RIPOR2: variants seen among roughly 807,000 people sequenced by gnomAD.
RIPOR2 encodes the protein rho family-interacting cell polarization regulator 2.
RIPOR2 carries 39 observed loss-of-function variants against 114.5 expected under a neutral mutation model. That is an observed-to-expected ratio of 0.34 (90% CI 0.26 to 0.44). RIPOR2 has a LOEUF of 0.44. RIPOR2 is among the 20% of genes least tolerant of loss of function. The probability of loss-of-function intolerance (pLI) is 1.00; values close to 1 mark genes in which losing one functional copy is unlikely to be tolerated. For missense variants in RIPOR2, 1,007 were observed against 1,255.1 expected, an observed-to-expected ratio of 0.80 and a Z score of 2.99; for synonymous variants, 445 against 484.4, an observed-to-expected ratio of 0.92 and a Z score of 1.07.
At chr6:24,960,467 G>A (rs1773252502) in intron 1 of RIPOR2, among the ~76,000 whole-genome samples, 1 of 152,100 alleles carries the variant, frequency 6.6e-6, no homozygotes, top group African/African-American at 2.4e-5. Flanking sequence ...CTACCTAAAG[G>A]CCCCACTTCC....
intron 8 of RIPOR2, among the ~76,000 whole-genome samples, chr6:24,857,139 A>C (rs1763550396): frequency 6.6e-6 from 1 of 152,200 alleles, no homozygotes; most frequent in Admixed American, 6.5e-5. Flanking sequence ...TGTGTAAGCC[A>C]CTGGTGGTAC....
chr6:24,856,969 A>G (rs1449920641), intron 8 of RIPOR2, among the ~76,000 whole-genome samples: 1 of 152,064 alleles, frequency 6.6e-6, no homozygotes, highest in African/African-American at 2.4e-5. Context: ...GGTACTTGGT[A>G]GTGATGTTTT....
intron 17 of RIPOR2, among the ~76,000 whole-genome samples, chr6:24,828,629 T>C (rs9393590): frequency 0.24 from 36,793 of 151,924 alleles, 4,854 homozygotes; most frequent in African/African-American, 0.36. Flanking sequence ...GAAGACGGCC[T>C]GCATTCCATA....
intron 1 of RIPOR2, among the ~76,000 whole-genome samples, chr6:24,881,028 G>A (rs1373239776): frequency 6.6e-6 from 1 of 152,164 alleles, no homozygotes; most frequent in African/African-American, 2.4e-5. Context: ...TGGATCACGA[G>A]GTCAGGAGTT....
At chr6:24,972,499 T>C (rs1199844756) in intron 1 of RIPOR2, among the ~76,000 whole-genome samples, 2 of 152,196 alleles carry the variant, frequency 1.3e-5, no homozygotes, top group Non-Finnish European at 2.9e-5. Flanking sequence ...GCAGGCATTA[T>C]GACATTTACC....
rs116725912 is a variant in RIPOR2, at chr6:24,838,852, C to T, written c.2039+239G>A. Among the ~76,000 whole-genome samples the T allele has an allele frequency of 0.025, 3,827 of 152,178 alleles. 162 individuals carry two copies. The highest frequency in any genetic ancestry group is 0.084 in the African/African-American group (3,483 of 41,488). ...ACACTCTCATACAAAATTTTCCTCT[C>T]TATTTATAAAGAGGAAATATAAAGA... is the stretch of plus-strand genomic sequence containing the variant. On this transcript the variant is annotated intron_variant, in intron 14 of 21. Coordinates refer to ENST00000643898, the MANE Select transcript of RIPOR2 (RefSeq NM_001286445.3).
chr6:24,950,754 T>G (rs1262380825), intron 1 of RIPOR2, among the ~76,000 whole-genome samples: 1 of 150,844 alleles, frequency 6.6e-6, no homozygotes, highest in Non-Finnish European at 1.5e-5. Context: ...AAAGAAAATA[T>G]ATTCATTTAA....
chr6:24,978,666 TAA>T (rs1298921582), intron 1 of RIPOR2, among the ~76,000 whole-genome samples: 1 of 152,250 alleles, frequency 6.6e-6, no homozygotes, highest in Non-Finnish European at 1.5e-5. Context: ...TGCTCTGCGA[TAA>T]GACTGCCTAG....
At position 24,809,783 on chromosome 6, in the gene RIPOR2, C is replaced by T; in HGVS notation, c.2977G>A (p.Val993Met). Reference sequence around the variant, plus strand: ...TCAGTATCAGATTGACACAATGTCACCAGCATTTTAATGCTTTCAGTAGCC... The same window carrying T: ...TCAGTATCAGATTGACACAATGTCATCAGCATTTTAATGCTTTCAGTAGCC... ...LEATESIKMLVTLCQSDTEEI... is the reference protein window; with the variant it reads ...LEATESIKMLMTLCQSDTEEI... Residue 993 changes from valine (V) to methionine (M), a missense_variant, in exon 21 of 22, where the codon GTG (valine) becomes ATG (methionine). Val to Met is a conservative substitution (Grantham distance 21). Transcript: ENST00000643898. The T allele has an allele frequency of 6.4e-7, 1 of 1,550,522 alleles. No individual in the cohort carries two copies. Among genetic ancestry groups the T allele is most frequent in the Admixed American group, 2.0e-5 (1 of 50,994 alleles).
chr6:24,905,068 C>T (rs1222751195), intron 1 of RIPOR2, among the ~76,000 whole-genome samples: 1 of 152,166 alleles, frequency 6.6e-6, no homozygotes, highest in East Asian at 1.9e-4. Flanking sequence ...AGCCACCGCG[C>T]CCGGCCAGTG....
intron 1 of RIPOR2, among the ~76,000 whole-genome samples, chr6:24,935,362 TAGAC>T (rs1222094156): frequency 8.9e-6 from 1 of 112,860 alleles, no homozygotes; most frequent in Non-Finnish European, 1.9e-5. Flanking sequence ...GAGAGAAAGA[TAGAC>T]AGAGAGAGAG....
In RIPOR2 at chr6:24,835,786, T is replaced by C; in HGVS notation, c.2125A>G (p.Ser709Gly). ...TTGCCTGTGGTCAGTGGGAGAGGAC[T>C]TCCTGCCACACTGGTCCCAACTCCT... ...DTGVGTSVAGSPLPLTTGNES... is the reference protein window; with the variant it reads ...DTGVGTSVAGGPLPLTTGNES... Residue 709 changes from serine (S) to glycine (G), a missense_variant, in exon 15 of 22, where the codon AGT (serine) becomes GGT (glycine). Coordinates refer to ENST00000643898, the MANE Select transcript of RIPOR2 (RefSeq NM_001286445.3). 1 of 1,551,604 alleles carries C rather than the reference T, an allele frequency of 6.4e-7. No individual in the cohort carries two copies. Among genetic ancestry groups the C allele is most frequent in the Non-Finnish European group, 8.7e-7 (1 of 1,146,938 alleles).
chr6:24,860,635 G>C (rs1268783020), intron 8 of RIPOR2, among the ~76,000 whole-genome samples: 3 of 152,136 alleles, frequency 2.0e-5, no homozygotes, highest in Non-Finnish European at 2.9e-5. Flanking sequence ...TTCATCAAAG[G>C]ACTTCTCTTT....
intron 2 of RIPOR2, among the ~76,000 whole-genome samples, chr6:24,874,776 A>G (rs1765556085): frequency 6.6e-6 from 1 of 152,240 alleles, no homozygotes; most frequent in Non-Finnish European, 1.5e-5. Context: ...TCGATAAGGG[A>G]CCATAAGCAT....
At chr6:24,921,984 C>G (rs1770532328) in intron 1 of RIPOR2, among the ~76,000 whole-genome samples, 3 of 151,954 alleles carry the variant, frequency 2.0e-5, no homozygotes, top group Admixed American at 2.0e-4. Context: ...TGTGTGCCAC[C>G]ACGCCCAGCT....
intron 1 of RIPOR2, chr6:25,023,177 CACA>C (rs1776415618): frequency 1.7e-6 from 1 of 599,044 alleles, no homozygotes. Flanking sequence ...TACAAATTAT[CACA>C]ACAATTAGCG....
intron 12 of RIPOR2, among the ~76,000 whole-genome samples, chr6:24,844,165 A>G (rs1200856536): frequency 1.3e-5 from 2 of 152,238 alleles, no homozygotes; most frequent in Non-Finnish European, 2.9e-5. Context: ...GGAAAAGACT[A>G]ATAAATGGAA....
At chr6:24,911,771 G>A (rs1769630293) in intron 1 of RIPOR2, among the ~76,000 whole-genome samples, 1 of 152,138 alleles carries the variant, frequency 6.6e-6, no homozygotes, top group Admixed American at 6.5e-5. Flanking sequence ...CAGGGAAAAG[G>A]TCCTGACTCA....
At chr6:24,957,230 T>C (rs1773080652) in intron 1 of RIPOR2, among the ~76,000 whole-genome samples, 1 of 152,228 alleles carries the variant, frequency 6.6e-6, no homozygotes, top group Non-Finnish European at 1.5e-5. Flanking sequence ...AACGACTCTT[T>C]TTAAGAAACA....
Sources: gnomAD v4.1 joint callset for allele counts (sites outside exome capture counted in the v4.1 genomes callset) on GRCh38, gnomAD v4.1.1 for gene constraint, MANE v1.5 for transcripts, NCBI Gene and HGNC (gene_info 2026-07-23, HGNC 2026-07-21) for gene names.